Variants in CLEC9A observed in about 807,000 individuals in gnomAD.
CLEC9A encodes the protein C-type lectin domain family 9 member A.
CLEC9A carries 24 observed loss-of-function variants against 30.0 expected under a neutral mutation model. The observed-to-expected ratio is 0.80, with a 90% CI of 0.58 to 1.13. The LOEUF (loss-of-function observed/expected upper bound fraction) is 1.13. Among genes scored for constraint, CLEC9A ranks in the 50% most tolerant of loss-of-function variants. CLEC9A has a pLI of 0.00. For missense variants in CLEC9A, 251 were observed against 280.9 expected, an observed-to-expected ratio of 0.89 and a Z score of 0.76; for synonymous variants, 111 against 96.8, an observed-to-expected ratio of 1.15 and a Z score of -0.86.
At chr12:10,036,318 A>G (rs1865743797) in intron 1 of CLEC9A, among the ~76,000 whole-genome samples, 1 of 152,232 alleles carries the variant, frequency 6.6e-6, no homozygotes, top group South Asian at 2.1e-4. Flanking sequence ...ATACTTTTCT[A>G]TGACAGGAAA....
At chr12:10,063,445 T>C (rs910044710) in intron 7 of CLEC9A, among the ~76,000 whole-genome samples, 1 of 152,212 alleles carries the variant, frequency 6.6e-6, no homozygotes, top group Admixed American at 6.5e-5. Context: ...TCTATGTCCT[T>C]GGTTAATTAA....
chr12:10,064,668 T>C (rs1565594252), intron 7 of CLEC9A, 64 bp from the exon 8 acceptor site: 4 of 1,531,712 alleles, frequency 2.6e-6, no homozygotes, highest in Admixed American at 2.0e-5. Flanking sequence ...TGTCACACTT[T>C]ATATTTCACT....
At chr12:10,064,653 C>A in intron 7 of CLEC9A, 79 bp from the exon 8 acceptor site, 2 of 1,435,446 alleles carry the variant, frequency 1.4e-6, no homozygotes, top group South Asian at 1.4e-5. Context: ...TCTAGCTAGG[C>A]AAAATGTCAC....
intron 5 of CLEC9A, among the ~76,000 whole-genome samples, chr12:10,058,340 T>C (rs942129476): frequency 6.6e-6 from 1 of 152,160 alleles, no homozygotes; most frequent in Non-Finnish European, 1.5e-5. Flanking sequence ...TGTTCTACAC[T>C]TGACTCTGGT....
At chr12:10,057,395 C>T (rs1051218622) in intron 5 of CLEC9A, among the ~76,000 whole-genome samples, 4 of 151,720 alleles carry the variant, frequency 2.6e-5, no homozygotes, top group African/African-American at 7.3e-5. Context: ...TAAATGAAAA[C>T]TATAACCTTT....
At chr12:10,052,444 C>T in intron 3 of CLEC9A, 186 bp from the exon 4 acceptor site, 1 of 1,118,258 alleles carries the variant, frequency 8.9e-7, no homozygotes. Flanking sequence ...CTATCATTGG[C>T]CATTCTAAAT....
chr12:10,063,125 T>C lies in CLEC9A; in HGVS notation c.390T>C (p.Ile130=). ...AAAGTTGTTACTATGTCTCTGAAAT[T>C]TGGAGCATTTGGCACACCAGTCAAG... The part of the protein sequence containing the change: ...NRESCYYVSE[I]WSIWHTSQEN... The change falls in exon 7 of 9, where the codon ATT becomes ATC. Residue 130 remains isoleucine, a synonymous_variant. Coordinates refer to ENST00000355819, the MANE Select transcript of CLEC9A (RefSeq NM_207345.4). The C allele has an allele frequency of 5.0e-6, 8 of 1,612,536 alleles. No homozygotes were observed. The highest frequency in any genetic ancestry group is 6.8e-6 in the Non-Finnish European group (8 of 1,179,378).
chr12:10,038,517 A>C (rs887804898), intron 1 of CLEC9A, among the ~76,000 whole-genome samples: 3 of 152,240 alleles, frequency 2.0e-5, no homozygotes, highest in Non-Finnish European at 2.9e-5. Context: ...TGCTAATTAG[A>C]GAAAAAAAAG....
intron 5 of CLEC9A, among the ~76,000 whole-genome samples, chr12:10,056,933 TTA>T (rs1330871392): frequency 5.3e-5 from 8 of 152,146 alleles, no homozygotes; most frequent in African/African-American, 1.9e-4. Context: ...CTTACAAAAC[TTA>T]AATATCACTG....
chr12:10,037,560 T>C lies in CLEC9A; in HGVS notation c.-317-3906T>C, dbSNP rs115140605. Among the ~76,000 whole-genome samples the C allele has an allele frequency of 7.4e-3, 1,121 of 152,120 alleles. 18 individuals are homozygous for C. The highest frequency in any genetic ancestry group is 0.026 in the African/African-American group (1,073 of 41,486). ...CCCGCACTCACTCACACTGGGACCA[T>C]GTAGACACGCCAATTCACCTAACGT... is the stretch of plus-strand genomic sequence containing the variant. On this transcript the variant is annotated intron_variant, in intron 1 of 8. Transcript: ENST00000355819.
At chr12:10,058,136 T>A (rs1209939497) in intron 5 of CLEC9A, among the ~76,000 whole-genome samples, 2 of 152,180 alleles carry the variant, frequency 1.3e-5, no homozygotes, top group East Asian at 3.8e-4. Context: ...TTTCCCTTTC[T>A]CCAGTTTTAT....
intron 1 of CLEC9A, among the ~76,000 whole-genome samples, chr12:10,036,535 G>A (rs1389870674): frequency 6.6e-6 from 1 of 152,164 alleles, no homozygotes; most frequent in Non-Finnish European, 1.5e-5. Context: ...TCTGTCTGCA[G>A]TCATAACACC....
intron 2 of CLEC9A, among the ~76,000 whole-genome samples, chr12:10,047,415 A>C (rs556790782): frequency 6.6e-6 from 1 of 152,366 alleles, no homozygotes; most frequent in African/African-American, 2.4e-5. Context: ...GTGCCTACAA[A>C]GATTTTTTTC....
At chr12:10,035,338 CG>C (rs1437206334) in intron 1 of CLEC9A, among the ~76,000 whole-genome samples, 1 of 152,172 alleles carries the variant, frequency 6.6e-6, no homozygotes, top group African/African-American at 2.4e-5. Context: ...GGCAAAGGCC[CG>C]GGGGTGGAGC....
At chr12:10,047,820 T>C (rs1865859116) in intron 2 of CLEC9A, among the ~76,000 whole-genome samples, 1 of 152,250 alleles carries the variant, frequency 6.6e-6, no homozygotes, top group African/African-American at 2.4e-5. Flanking sequence ...CCTGAGTCTT[T>C]AATGAGTGGA....
chr12:10,048,157 C>T (rs901512402), intron 2 of CLEC9A, among the ~76,000 whole-genome samples: 22 of 149,986 alleles, frequency 1.5e-4, no homozygotes, highest in African/African-American at 4.7e-4. Context: ...GGCGTGAACC[C>T]GGGAAGCGGA....
intron 2 of CLEC9A, among the ~76,000 whole-genome samples, chr12:10,051,268 T>A (rs1450608325): frequency 6.6e-6 from 1 of 152,102 alleles, no homozygotes; most frequent in African/African-American, 2.4e-5. Flanking sequence ...TCTCTTCAGT[T>A]GCCCCTGGGG....
intron 1 of CLEC9A, among the ~76,000 whole-genome samples, chr12:10,036,352 A>T (rs1291994383): frequency 1.3e-5 from 2 of 152,264 alleles, no homozygotes; most frequent in Non-Finnish European, 2.9e-5. Context: ...CAAATTAAAT[A>T]GCATTTAGTA....
At chr12:10,048,818 T>C (rs1865869738) in intron 2 of CLEC9A, among the ~76,000 whole-genome samples, 1 of 152,230 alleles carries the variant, frequency 6.6e-6, no homozygotes, top group East Asian at 1.9e-4. Context: ...AGTCAACTTC[T>C]TCCAAGCGCC....
Sources: allele counts gnomAD v4.1 joint callset (sites outside exome capture counted in the v4.1 genomes callset), GRCh38; gene constraint gnomAD v4.1.1; transcripts MANE v1.5; gene names NCBI Gene and HGNC (gene_info 2026-07-23, HGNC 2026-07-21).